Variants in NRG3 observed in about 807,000 individuals in gnomAD.
The protein encoded by NRG3 is pro-neuregulin-3, membrane-bound isoform.
NRG3 carries 31 observed loss-of-function variants against 66.9 expected under a neutral mutation model. The ratio of observed to expected loss-of-function variants is 0.46; its 90% CI spans 0.35 to 0.63. The LOEUF is 0.63. NRG3 is among the 20% of genes least tolerant of loss of function. NRG3 has a pLI of 0.00. For missense variants in NRG3, 910 were observed against 878.9 expected, an observed-to-expected ratio of 1.04 and a Z score of -0.45; for synonymous variants, 393 against 359.4, an observed-to-expected ratio of 1.09 and a Z score of -1.06.
chr10:82,480,410 T>C (rs1338546824), intron 2 of NRG3, among the ~76,000 whole-genome samples: 2 of 152,224 alleles, frequency 1.3e-5, no homozygotes, highest in Non-Finnish European at 2.9e-5. Context: ...TATTTCTGTA[T>C]ACTAAGCTGA....
intron 1 of NRG3, among the ~76,000 whole-genome samples, chr10:82,013,723 T>G (rs963636161): frequency 1.3e-5 from 2 of 149,060 alleles, no homozygotes; most frequent in African/African-American, 4.8e-5. Context: ...ATTCTGTTCA[T>G]TATCTCTAAT....
chr10:82,806,758 G>C (rs887410640), intron 3 of NRG3, among the ~76,000 whole-genome samples: 3 of 152,104 alleles, frequency 2.0e-5, no homozygotes, highest in East Asian at 3.9e-4. Flanking sequence ...CAGTCTGATG[G>C]GGGTACTGGA....
At chr10:82,693,958 T>C (rs1346438907) in intron 2 of NRG3, among the ~76,000 whole-genome samples, 1 of 152,054 alleles carries the variant, frequency 6.6e-6, no homozygotes, top group Non-Finnish European at 1.5e-5. Flanking sequence ...CATGTCCTGC[T>C]GATTTGTCCA....
chr10:82,857,617 T>C (rs920508696), intron 3 of NRG3, among the ~76,000 whole-genome samples: 1 of 152,226 alleles, frequency 6.6e-6, no homozygotes, highest in African/African-American at 2.4e-5. Context: ...ACATTTAGTT[T>C]ATTTTACATA....
At chr10:82,738,800 A>G (rs1413558251) in intron 3 of NRG3, 150 bp downstream of exon 3, 1 of 701,148 alleles carries the variant, frequency 1.4e-6, no homozygotes, top group Non-Finnish European at 2.5e-6. Context: ...TTGATGTTCA[A>G]AGCATCCTCA....
At chr10:82,014,809 T>C (rs2061716370) in intron 1 of NRG3, among the ~76,000 whole-genome samples, 1 of 152,010 alleles carries the variant, frequency 6.6e-6, no homozygotes, top group African/African-American at 2.4e-5. Context: ...CTGAGATTTA[T>C]TCAGAGGAGC....
chr10:82,875,659 A>ACT (rs1319037266), intron 4 of NRG3, among the ~76,000 whole-genome samples: 1 of 151,926 alleles, frequency 6.6e-6, no homozygotes, highest in African/African-American at 2.4e-5. Context: ...TGCCTGGCCC[A>ACT]CTCTCTCCCT....
chr10:82,724,581 C>T (rs751065308), intron 2 of NRG3, among the ~76,000 whole-genome samples: 7 of 152,126 alleles, frequency 4.6e-5, no homozygotes, highest in African/African-American at 7.2e-5. Flanking sequence ...CATGTAGAAC[C>T]TTCTATGATT....
chr10:82,490,596 C>A (rs550573082), intron 2 of NRG3, among the ~76,000 whole-genome samples: 1 of 152,216 alleles, frequency 6.6e-6, no homozygotes, highest in Middle Eastern at 3.4e-3. Context: ...ACCTACATTT[C>A]AACAACATTA....
At chr10:82,907,203 A>C (rs968347289) in intron 4 of NRG3, among the ~76,000 whole-genome samples, 1 of 152,274 alleles carries the variant, frequency 6.6e-6, no homozygotes, top group South Asian at 2.1e-4. Context: ...GTCTTCACTG[A>C]GTTTTAGTTC....
chr10:82,528,271 G>C (rs1325317984), intron 2 of NRG3, among the ~76,000 whole-genome samples: 1 of 152,034 alleles, frequency 6.6e-6, no homozygotes, highest in Non-Finnish European at 1.5e-5. Context: ...ATATATAGAG[G>C]TACGCTATAT....
intron 2 of NRG3, among the ~76,000 whole-genome samples, chr10:82,517,016 A>AT (rs1565015585): frequency 6.6e-6 from 1 of 152,148 alleles, no homozygotes; most frequent in Non-Finnish European, 1.5e-5. Context: ...CAAGTTTTTA[A>AT]TTTTTTTAAA....
intron 2 of NRG3, among the ~76,000 whole-genome samples, chr10:82,687,318 G>T (rs2054587448): frequency 6.6e-6 from 1 of 151,998 alleles, no homozygotes; most frequent in South Asian, 2.1e-4. Flanking sequence ...CTGCTCCTAG[G>T]TGCCTAATTA....
chr10:81,921,278 T>C (rs1025175794), intron 1 of NRG3, among the ~76,000 whole-genome samples: 19 of 152,102 alleles, frequency 1.2e-4, no homozygotes, highest in African/African-American at 4.1e-4. Context: ...TATTTGTATA[T>C]TCTTGATTGT....
intron 1 of NRG3, among the ~76,000 whole-genome samples, chr10:81,903,558 AGTGCTTAATAT>A (rs1373568154): frequency 6.6e-6 from 1 of 152,206 alleles, no homozygotes; most frequent in African/African-American, 2.4e-5. Context: ...TTTGGCTAAT[AGTGCTTAATAT>A]TGGTTGAAAA....
chr10:82,229,216 C>T (rs1392172816), intron 1 of NRG3: 6 of 151,916 alleles, frequency 3.9e-5, no homozygotes, highest in African/African-American at 1.5e-4. Context: ...GCATAAATAC[C>T]AAGGTATTAA....
At chr10:82,931,018 A>G (rs7072495) in intron 4 of NRG3, among the ~76,000 whole-genome samples, 14,285 of 152,208 alleles carry the variant, frequency 0.094, 902 homozygotes, top group African/African-American at 0.17. Flanking sequence ...GGAGCAGAGT[A>G]TAGGAGGCGA....
intron 1 of NRG3, among the ~76,000 whole-genome samples, chr10:82,174,666 C>T (rs1462801080): frequency 2.0e-5 from 3 of 152,022 alleles, no homozygotes; most frequent in African/African-American, 7.2e-5. Context: ...TCAGTTCTCC[C>T]CAAATGAAAT....
intron 1 of NRG3, among the ~76,000 whole-genome samples, chr10:81,947,478 T>C (rs528544183): frequency 3.3e-4 from 50 of 152,278 alleles, no homozygotes; most frequent in Non-Finnish European, 1.5e-5. Context: ...CATGTATGGC[T>C]GTTCTGGTTG....
Sources: allele counts gnomAD v4.1 joint callset (sites outside exome capture counted in the v4.1 genomes callset), GRCh38; gene constraint gnomAD v4.1.1; transcripts MANE v1.5; gene names NCBI Gene and HGNC (gene_info 2026-07-23, HGNC 2026-07-21).